Variants in LATS2 observed in about 807,000 individuals in gnomAD.
The protein encoded by LATS2 is serine/threonine-protein kinase LATS2.
Under a neutral mutation model 76.0 loss-of-function variants are expected in LATS2, and 24 were observed. The ratio of observed to expected loss-of-function variants is 0.32; its 90% CI spans 0.23 to 0.44. The LOEUF is 0.44. LATS2 is among the 20% of genes least tolerant of loss of function. The pLI, the probability that LATS2 is intolerant of heterozygous loss-of-function variation, is 1.00. For synonymous variants in LATS2, 692 were observed against 635.4 expected (o/e 1.09, Z -1.34); for missense variants, 1,286 against 1,481.2 (o/e 0.87, Z 2.16).
intron 2 of LATS2, among the ~76,000 whole-genome samples, chr13:21,032,864 G>C (rs1872577994): frequency 1.3e-5 from 2 of 152,170 alleles, no homozygotes; most frequent in African/African-American, 2.4e-5. Context: ...TGCACTTCAG[G>C]GGGCGACAGC....
At chr13:20,976,028 A>G (rs1373878509) in intron 7 of LATS2, among the ~76,000 whole-genome samples, 2 of 152,226 alleles carry the variant, frequency 1.3e-5, no homozygotes, top group Non-Finnish European at 2.9e-5. Flanking sequence ...TGGGGTTTTG[A>G]AAAACAAACA....
rs1869887743 is a variant in LATS2 at position 20,981,570 on chromosome 13, A to T, written c.2561T>A (p.Leu854Gln). 6.2e-7 allele frequency: 1 copy of T among 1,614,144 alleles called. No individual in the cohort carries two copies. Among genetic ancestry groups the T allele is most frequent in the Non-Finnish European group, 8.5e-7 (1 of 1,180,016 alleles). Residue 854 changes from leucine to glutamine, a missense_variant, in exon 6 of 8, where the codon CTG becomes CAG. By Grantham distance (113) the Leu-to-Gln change is moderately radical. This residue lies in a region of LATS2 where 247 missense variants were observed against 385.4 expected (regional missense o/e 0.64). Transcript: ENST00000382592. ...DVSNCRCGDRLKTLEQRARKQ... is the reference protein window; with the variant it reads ...DVSNCRCGDRQKTLEQRARKQ... ...CCGCGCCCTCTGCTCTAGGGTCTTC[A>T]GCCTGTCCCCACACCGACAGTTAGA...
Position 21,022,731 on chromosome 13 carries a change from C to T in LATS2, c.342+22954G>A, listed in dbSNP as rs569583075. ...ACTATGAAGCAAACACACACAAGGC[C>T]AATTTAGATATGAGAGTGGGGATTT... On this transcript the variant is annotated intron_variant, in intron 2 of 7. Coordinates refer to ENST00000382592, the MANE Select transcript of LATS2 (RefSeq NM_014572.3). Among the ~76,000 whole-genome samples the T allele has an allele frequency of 3.3e-5, 5 of 152,176 alleles. No individual in the cohort carries two copies. In the South Asian group the frequency reaches 1.0e-3, roughly 32 times the overall value.
chr13:21,006,823 C>T (rs503777), intron 2 of LATS2, among the ~76,000 whole-genome samples: 32,542 of 152,146 alleles, frequency 0.21, 3,610 homozygotes, highest in Middle Eastern at 0.26. Flanking sequence ...TGTTTGGGGG[C>T]TCTGGGGCTC....
At chr13:20,978,386 C>G (rs2138264529) in intron 7 of LATS2, among the ~76,000 whole-genome samples, 1 of 152,158 alleles carries the variant, frequency 6.6e-6, no homozygotes, top group East Asian at 1.9e-4. Flanking sequence ...TCAGTTCAAC[C>G]CTTAGTAACT....
Position 20,987,987 on chromosome 13 carries a change from G to C in LATS2, c.1793C>G (p.Ser598Trp). 1 of 1,614,266 alleles carries C rather than the reference G, an allele frequency of 6.2e-7. No homozygotes were observed. The highest frequency in any genetic ancestry group is 1.1e-5 in the South Asian group (1 of 91,080). Reference protein sequence around the residue: ...EKRESRIKSYSPYAFKFFMEQ... With the variant: ...EKRESRIKSYWPYAFKFFMEQ... ...CATGAAGAACTTAAAGGCGTATGGC[G>C]AGTAGCTCTTGATGCGTGACTCTCT... The change falls in exon 4 of 8, where the codon TCG becomes TGG. Residue 598 changes from serine to tryptophan, a missense_variant. Around this residue, in one of 5 missense-constraint regions of LATS2, gnomAD observed 710 missense variants for 660.9 expected, o/e 1.07. Coordinates refer to ENST00000382592, the MANE Select transcript of LATS2 (RefSeq NM_014572.3).
At chr13:20,985,785 C>T (rs1339719102) in intron 4 of LATS2, among the ~76,000 whole-genome samples, 2 of 151,624 alleles carry the variant, frequency 1.3e-5, no homozygotes, top group Non-Finnish European at 2.9e-5. Flanking sequence ...GTGGCTCACA[C>T]CTGTAATCCC....
intron 1 of LATS2, among the ~76,000 whole-genome samples, chr13:21,050,121 T>TAGACAGACAGAC (rs764432062): frequency 5.3e-4 from 29 of 54,766 alleles, no homozygotes; most frequent in Non-Finnish European, 7.5e-4. Context: ...CTCTGTCTCA[T>TAGACAGACAGAC]AGACAGATAG....
chr13:21,046,830 A>G (rs1873091358), intron 1 of LATS2, among the ~76,000 whole-genome samples: 2 of 152,308 alleles, frequency 1.3e-5, no homozygotes, highest in Middle Eastern at 3.4e-3. Context: ...ACACATTATG[A>G]GACTTTGAAG....
chr13:21,041,239 T>C (rs1256454350), intron 2 of LATS2, among the ~76,000 whole-genome samples: 2 of 152,148 alleles, frequency 1.3e-5, no homozygotes, highest in Non-Finnish European at 2.9e-5. Flanking sequence ...CCCAAAGTGC[T>C]GGGATTACAG....
Position 20,998,005 on chromosome 13 carries a change from G to A in LATS2, c.343-6601C>T, listed in dbSNP as rs967547029. 5.3e-5 allele frequency among the ~76,000 whole-genome samples: 8 copies of A among 152,234 alleles called. No individual in the cohort carries two copies. In the East Asian group the frequency reaches 7.7e-4, roughly 15 times the overall value. On this transcript the variant is annotated intron_variant, in intron 2 of 7. Transcript: ENST00000382592. Reference sequence around the variant, plus strand: ...GAGGTTTGGCTGAAAAAGTAGAAACGGAGCACTCTGGCCCTATCGTGTCTG... The same window carrying A: ...GAGGTTTGGCTGAAAAAGTAGAAACAGAGCACTCTGGCCCTATCGTGTCTG...
chr13:21,060,676 C>T (rs865849424), intron 1 of LATS2, among the ~76,000 whole-genome samples: 1 of 151,562 alleles, frequency 6.6e-6, no homozygotes, highest in Admixed American at 6.6e-5. Context: ...GCGCAGCCAC[C>T]GGGGGCTGAG....
intron 2 of LATS2, among the ~76,000 whole-genome samples, chr13:21,020,882 C>T (rs1159189688): frequency 2.6e-5 from 4 of 152,232 alleles, no homozygotes; most frequent in Non-Finnish European, 4.4e-5. Flanking sequence ...AGTGTAGCCA[C>T]GCCAGACTGG....
At position 20,987,986 on chromosome 13, in the gene LATS2, C is replaced by A; in HGVS notation, c.1794G>T (p.Ser598=). ...CCATGAAGAACTTAAAGGCGTATGG[C>A]GAGTAGCTCTTGATGCGTGACTCTC... ...EKRESRIKSY[S]PYAFKFFMEQ... The change falls in exon 4 of 8, where the codon TCG becomes TCT. Residue 598 remains serine, a synonymous_variant. Coordinates refer to ENST00000382592, the MANE Select transcript of LATS2 (RefSeq NM_014572.3). 6.2e-7 allele frequency: 1 copy of A among 1,614,226 alleles called. No homozygotes were observed. The highest frequency in any genetic ancestry group is 8.5e-7 in the Non-Finnish European group (1 of 1,180,042).
chr13:20,974,961 G>A lies in LATS2; in HGVS notation c.3176C>T (p.Ser1059Leu), dbSNP rs1268824143. The change falls in exon 8 of 8, where the codon TCA (serine) becomes TTA (leucine). Residue 1059 changes from serine (S) to leucine (L), a missense_variant. Ser to Leu is a moderately radical substitution (Grantham distance 145, BLOSUM62 -2). Transcript: ENST00000382592. ...NGYPFRCPKP[S>L]GAEASQAESS... ...CTCAGCCTGTGAAGCTTCTGCTCCT[G>A]AAGGCTTTGGGCATCGAAAGGGGTA... The A allele has an allele frequency of 6.2e-7, 1 of 1,614,210 alleles. No individual in the cohort carries two copies. The highest frequency in any genetic ancestry group is 1.7e-5 in the Admixed American group (1 of 60,028).
intron 1 of LATS2, among the ~76,000 whole-genome samples, chr13:21,060,205 G>T (rs1302872559): frequency 6.6e-6 from 1 of 152,146 alleles, no homozygotes; most frequent in East Asian, 1.9e-4. Context: ...TTTCACAAAC[G>T]GGTTTGCTCC....
intron 4 of LATS2, among the ~76,000 whole-genome samples, chr13:20,987,253 G>T (rs1298240001): frequency 6.6e-6 from 1 of 152,094 alleles, no homozygotes; most frequent in Non-Finnish European, 1.5e-5. Flanking sequence ...AAGTATATCT[G>T]TAAAAAAATC....
At chr13:21,042,422 G>A (rs1017132265) in intron 2 of LATS2, among the ~76,000 whole-genome samples, 2 of 152,204 alleles carry the variant, frequency 1.3e-5, no homozygotes, top group South Asian at 2.1e-4. Context: ...AAGGCTGGGT[G>A]TGGTGGCTTG....
At chr13:21,043,118 A>C (rs1229619765) in intron 2 of LATS2, among the ~76,000 whole-genome samples, 1 of 152,104 alleles carries the variant, frequency 6.6e-6, no homozygotes, top group Admixed American at 6.5e-5. Context: ...CAGGCAGATC[A>C]CTTGAGGTCA....
Sources: gnomAD v4.1 joint callset for allele counts (sites outside exome capture counted in the v4.1 genomes callset) on GRCh38, gnomAD v4.1.1 for gene constraint, gnomAD v4.1.1 regional missense constraint, MANE v1.5 for transcripts, NCBI Gene and HGNC (gene_info 2026-07-23, HGNC 2026-07-21) for gene names.